Variants in TMEM201 observed in about 807,000 individuals in gnomAD.
TMEM201 encodes the protein RP13-15M17.2.
TMEM201 carries 26 observed loss-of-function variants against 63.4 expected under a neutral mutation model. The ratio of observed to expected loss-of-function variants is 0.41; its 90% CI spans 0.30 to 0.57. The LOEUF (loss-of-function observed/expected upper bound fraction) is 0.57. Ranked by LOEUF, TMEM201 falls within the 20% of genes least tolerant of loss-of-function variation. The pLI is 0.29. For synonymous variants in TMEM201, 417 were observed against 421.6 expected (o/e 0.99, Z 0.14); for missense variants, 794 against 917.7 (o/e 0.87, Z 1.74).
chr1:9,601,083 C>G (rs748459265), intron 4 of TMEM201, 22 bp from the exon 5 acceptor site: 4 of 1,561,714 alleles, frequency 2.6e-6, no homozygotes, highest in Non-Finnish European at 2.6e-6. Context: ...CTCACTAACC[C>G]GCCTCTCTTC....
At chr1:9,598,088 G>A (rs971867989) in intron 3 of TMEM201, among the ~76,000 whole-genome samples, 2 of 152,212 alleles carry the variant, frequency 1.3e-5, no homozygotes, top group African/African-American at 2.4e-5. Flanking sequence ...ACTCCAGGCA[G>A]TGTCAGCCCG....
intron 1 of TMEM201, among the ~76,000 whole-genome samples, chr1:9,589,668 C>A (rs1439714415): frequency 1.3e-5 from 2 of 152,258 alleles, no homozygotes; most frequent in African/African-American, 4.8e-5. Flanking sequence ...CTGCCCGGCT[C>A]ACGGGCCATG....
At chr1:9,601,863 C>G (rs897041827) in intron 5 of TMEM201, among the ~76,000 whole-genome samples, 8 of 152,188 alleles carry the variant, frequency 5.3e-5, no homozygotes, top group African/African-American at 1.4e-4. Context: ...CTGTTTTAGG[C>G]TAGAACTTAC....
At position 9,605,173 on chromosome 1, in the gene TMEM201, GTCTC is replaced by G. The variant is rs1236502592; in HGVS notation, c.1161-2379_1161-2376del. On this transcript the variant is annotated intron_variant, in intron 6 of 10. Coordinates refer to ENST00000340381, the MANE Select transcript of TMEM201 (RefSeq NM_001130924.3). The surrounding 1 kb of genome is among the most constrained non-coding windows in gnomAD (Gnocchi z 5.7). ...TCAATAAACTGTTGCTTAAAACGTGGTCTCTCTCCTTCCACTCCTGATGTGGGCT... is the reference window on the plus strand; with the variant it reads ...TCAATAAACTGTTGCTTAAAACGTGGTCTCCTTCCACTCCTGATGTGGGCT... 6.6e-6 allele frequency among the ~76,000 whole-genome samples: 1 copy of G among 152,174 alleles called. No homozygotes were observed. Among genetic ancestry groups the G allele is most frequent in the African/African-American group, 2.4e-5 (1 of 41,434 alleles).
At chr1:9,594,981 GC>G (rs1441119522) in intron 1 of TMEM201, among the ~76,000 whole-genome samples, 3 of 152,252 alleles carry the variant, frequency 2.0e-5, no homozygotes, top group Non-Finnish European at 4.4e-5. Context: ...AGGGGCTCAA[GC>G]GGTGTCCTCG....
chr1:9,606,944 G>T (rs1644254081), intron 6 of TMEM201, among the ~76,000 whole-genome samples: 1 of 152,180 alleles, frequency 6.6e-6, no homozygotes, highest in African/African-American at 2.4e-5. Flanking sequence ...GCTCTACCAG[G>T]AACTTCAGAG....
At position 9,605,054 on chromosome 1, in the gene TMEM201, A is replaced by G; in HGVS notation, c.1161-2503A>G. The G allele has an allele frequency of 1.0e-6, 1 of 982,308 alleles. No homozygotes were observed. Among genetic ancestry groups the G allele is most frequent in the Non-Finnish European group, 1.2e-6 (1 of 826,880 alleles). The allele number at this position is 982,308 out of a possible 1,614,324, so 60.8% of individuals were successfully genotyped here. A position where few individuals can be genotyped will look rare whatever the true frequency, so the allele number is the denominator to read the frequency against. On this transcript the variant is annotated intron_variant, in intron 6 of 10. Coordinates refer to ENST00000340381, the MANE Select transcript of TMEM201 (RefSeq NM_001130924.3). The surrounding 1 kb of genome is among the most constrained non-coding windows in gnomAD (Gnocchi z 5.7). ...CTGTGTTTGGGGTACAGACACGTCC[A>G]CAGGAGTCAGGTTTGGGAGCCAGTG...
chr1:9,607,823 G>A lies in TMEM201; in HGVS notation c.1393+34G>A, dbSNP rs1340468919. 4 of 1,542,006 alleles carry A rather than the reference G, an allele frequency of 2.6e-6. No homozygotes were observed. In the African/African-American group the frequency reaches 5.5e-5, roughly 21 times the overall value. On this transcript the variant is annotated intron_variant, in intron 7 of 10. Coordinates refer to ENST00000340381, the MANE Select transcript of TMEM201 (RefSeq NM_001130924.3). The surrounding 1 kb of genome is among the most constrained non-coding windows in gnomAD (Gnocchi z 5.4). ...TGCCCAGGCATTGGCAGACAGTCAG[G>A]GCTAGGGGCAGCTGGGACAGAACTG...
chr1:9,600,931 C>A (rs1413507345), intron 4 of TMEM201, among the ~76,000 whole-genome samples, 174 bp from the exon 5 acceptor site: 1 of 152,122 alleles, frequency 6.6e-6, no homozygotes, highest in East Asian at 1.9e-4. Context: ...GAGCAGCACT[C>A]CTCCCCGCCC....
At chr1:9,593,908 G>C (rs1643965058) in intron 1 of TMEM201, among the ~76,000 whole-genome samples, 2 of 152,264 alleles carry the variant, frequency 1.3e-5, no homozygotes, top group African/African-American at 2.4e-5. Flanking sequence ...CTGTACAACA[G>C]CTAGTAATTA....
chr1:9,604,276 C>A lies in TMEM201; in HGVS notation c.1160+2004C>A, dbSNP rs897731923. On this transcript the variant is annotated intron_variant, in intron 6 of 10. Transcript: ENST00000340381. The surrounding 1 kb of genome is among the most constrained non-coding windows in gnomAD (Gnocchi z 4.1). ...TTATAATAACCAGAGCCAGCCCTCG[C>A]GCTGGCCAGGATCCTCCTGCCGAGC... The A allele has an allele frequency of 3.0e-6, 3 of 985,306 alleles. No homozygotes were observed. The highest frequency in any genetic ancestry group is 9.4e-5 in the South Asian group (2 of 21,290). 61.0% of individuals were successfully genotyped at this position (985,306 alleles called of 1,614,324 possible).
chr1:9,596,825 C>T (rs1435531388), intron 2 of TMEM201, 34 bp from the exon 3 acceptor site: 9 of 1,549,954 alleles, frequency 5.8e-6, no homozygotes, highest in Non-Finnish European at 7.9e-6. Context: ...GCTGGGAGGG[C>T]CTGCCTGCCT....
chr1:9,595,029 G>A (rs967194115), intron 1 of TMEM201, among the ~76,000 whole-genome samples: 18 of 152,276 alleles, frequency 1.2e-4, no homozygotes, highest in African/African-American at 3.1e-4. Flanking sequence ...GTGGAGAGTC[G>A]GAGCAGCAAA....
In TMEM201 at chr1:9,605,871, T is replaced by C. The variant is rs1031877100; in HGVS notation, c.1161-1686T>C. On this transcript the variant is annotated intron_variant, in intron 6 of 10. Coordinates refer to ENST00000340381, the MANE Select transcript of TMEM201 (RefSeq NM_001130924.3). The surrounding 1 kb of genome is among the most constrained non-coding windows in gnomAD (Gnocchi z 5.7). ...CTGCGTGGCCCAGCTGACCACCTCA[T>C]ACCCACAGCCCACTAGGACCCTCCT... 1.3e-5 allele frequency among the ~76,000 whole-genome samples: 2 copies of C among 152,192 alleles called. No homozygotes were observed. Among genetic ancestry groups the C allele is most frequent in the Non-Finnish European group, 2.9e-5 (2 of 68,022 alleles).
rs1015327230 is a variant in TMEM201 at position 9,605,258 on chromosome 1, G to A, written c.1161-2299G>A. On this transcript the variant is annotated intron_variant, in intron 6 of 10. Coordinates refer to ENST00000340381, the MANE Select transcript of TMEM201 (RefSeq NM_001130924.3). The surrounding 1 kb of genome is among the most constrained non-coding windows in gnomAD (Gnocchi z 5.7). ...CCCTTGGTGTCAGATGAGCGTATCC[G>A]CTCCGGCACTCCCCAGAGCCAGCAT... is the stretch of plus-strand genomic sequence containing the variant. Among the ~76,000 whole-genome samples, 1 of 152,184 alleles carries A rather than the reference G, an allele frequency of 6.6e-6. No individual in the cohort carries two copies. Among genetic ancestry groups the A allele is most frequent in the Admixed American group, 6.5e-5 (1 of 15,288 alleles).
chr1:9,610,371 TC>T lies in TMEM201; in HGVS notation c.1466-130del. On this transcript the variant is annotated intron_variant, in intron 8 of 10. Coordinates refer to ENST00000340381, the MANE Select transcript of TMEM201 (RefSeq NM_001130924.3). The surrounding 1 kb of genome is among the most constrained non-coding windows in gnomAD (Gnocchi z 4.9). Reference sequence around the variant, plus strand: ...CCTCCTTCAGCTTTGCAGCAGGACTTCCCCCTGTCCCCAGTCTCTGCACCTT... The same window carrying T: ...CCTCCTTCAGCTTTGCAGCAGGACTTCCCCTGTCCCCAGTCTCTGCACCTT... 1.1e-6 allele frequency: 1 copy of T among 924,148 alleles called. No homozygotes were observed. The highest frequency in any genetic ancestry group is 1.8e-5 in the South Asian group (1 of 55,538). 57.2% of individuals were successfully genotyped at this position (924,148 alleles called of 1,614,324 possible).
chr1:9,597,457 T>G (rs977510393), intron 3 of TMEM201, among the ~76,000 whole-genome samples: 2 of 152,216 alleles, frequency 1.3e-5, no homozygotes, highest in African/African-American at 4.8e-5. Context: ...CCTTGCCTGC[T>G]GGTGGCCCCG....
Position 9,604,456 on chromosome 1 carries a change from G to A in TMEM201, c.1160+2184G>A. On this transcript the variant is annotated intron_variant, in intron 6 of 10. Coordinates refer to ENST00000340381, the MANE Select transcript of TMEM201 (RefSeq NM_001130924.3). This position sits in a 1 kb window ranked among gnomAD's most constrained non-coding sequence, Gnocchi z 4.1. Reference sequence around the variant, plus strand: ...GTTTCACTACGTGGAGAAAATTCCAGCACCAAGTGTTGTGGCAACAGCTGA... The same window carrying A: ...GTTTCACTACGTGGAGAAAATTCCAACACCAAGTGTTGTGGCAACAGCTGA... 3 of 985,436 alleles carry A rather than the reference G, an allele frequency of 3.0e-6. No individual in the cohort carries two copies. Among genetic ancestry groups the A allele is most frequent in the Non-Finnish European group, 3.6e-6 (3 of 829,926 alleles). 61.0% of individuals were successfully genotyped at this position (985,436 alleles called of 1,614,324 possible). A position where few individuals can be genotyped will look rare whatever the true frequency, so the allele number is the denominator to read the frequency against.
At position 9,588,911 on chromosome 1, in the gene TMEM201, G is replaced by C. The variant is rs1479591308; in HGVS notation, c.-20G>C. The stretch of plus-strand genomic sequence containing the variant: ...CCGCCTACCCCCCTGCCGGCCTGCC[G>C]TCCTTCCACGCGGAGAGCCATGGAG... On this transcript the variant is annotated 5_prime_UTR_variant, in exon 1 of 11. Transcript: ENST00000340381. 2 of 1,234,798 alleles carry C rather than the reference G, an allele frequency of 1.6e-6. No individual in the cohort carries two copies. Among genetic ancestry groups the C allele is most frequent in the South Asian group, 3.2e-5 (2 of 63,312 alleles). The allele number at this position is 1,234,798 out of a possible 1,614,324, so 76.5% of individuals were successfully genotyped here.
Sources: gnomAD v4.1 joint callset for allele counts (sites outside exome capture counted in the v4.1 genomes callset) on GRCh38, gnomAD v4.1.1 for gene constraint, Gnocchi (gnomAD v3.1) non-coding constraint, MANE v1.5 for transcripts, NCBI Gene and HGNC (gene_info 2026-07-23, HGNC 2026-07-21) for gene names.